The following LRP6 variants were observed in gnomAD, a reference collection of about 807,000 sequenced individuals.
LRP6 encodes low-density lipoprotein receptor-related protein 6.
LRP6 carries 43 observed loss-of-function variants against 184.1 expected under a neutral mutation model. The observed-to-expected ratio is 0.23, with a 90% CI of 0.18 to 0.30. The LOEUF (loss-of-function observed/expected upper bound fraction) is 0.30. Ranked by LOEUF, LRP6 falls within the 10% of genes least tolerant of loss-of-function variation. LRP6 has a pLI of 1.00. For missense variants in LRP6, 1,571 were observed against 2,005.3 expected, an observed-to-expected ratio of 0.78 and a Z score of 4.14; for synonymous variants, 719 against 684.9, an observed-to-expected ratio of 1.05 and a Z score of -0.78.
intron 2 of LRP6, among the ~76,000 whole-genome samples, chr12:12,221,266 G>GTAC (rs1441935259): frequency 6.6e-6 from 1 of 152,180 alleles, no homozygotes; most frequent in Non-Finnish European, 1.5e-5. Context: ...AAACAATGAA[G>GTAC]TGTAAGAGAA....
chr12:12,123,534 G>C (rs776000849), intron 22 of LRP6, among the ~76,000 whole-genome samples: 1 of 152,178 alleles, frequency 6.6e-6, no homozygotes, highest in African/African-American at 2.4e-5. Context: ...ATCTAGAGAG[G>C]ATAGAAGATA....
At chr12:12,138,965 C>T (rs749505533) in intron 15 of LRP6, 1 of 1,361,126 alleles carries the variant, frequency 7.3e-7, no homozygotes, top group Non-Finnish European at 9.8e-7. Flanking sequence ...GAAAAAATGA[C>T]TGACTCACCC....
chr12:12,164,485 A>T lies in LRP6; in HGVS notation c.1840T>A (p.Cys614Ser), dbSNP rs1862820872. Residue 614 changes from cysteine (C) to serine (S), a missense_variant, in exon 9 of 23, where the codon TGC becomes AGC. Transcript: ENST00000261349. ...LYRPQGLRCA[C>S]PIGFELISDM... ...CTGATGAGTTCAAAGCCAATAGGGC[A>T]AGCACAGCGAAGGCCCTGAGGTCTA... 6.2e-7 allele frequency: 1 copy of T among 1,614,182 alleles called. No homozygotes were observed.
At chr12:12,200,833 G>A (rs888761731) in intron 3 of LRP6, among the ~76,000 whole-genome samples, 16 of 152,088 alleles carry the variant, frequency 1.1e-4, no homozygotes, top group African/African-American at 3.6e-4. Context: ...CTGCTTCCAC[G>A]TCATTTATAA....
intron 1 of LRP6, among the ~76,000 whole-genome samples, chr12:12,258,018 A>G (rs1250397564): frequency 6.6e-6 from 1 of 151,958 alleles, no homozygotes; most frequent in Non-Finnish European, 1.5e-5. Flanking sequence ...ATATCCTAAA[A>G]CCAGAAAACA....
intron 2 of LRP6, among the ~76,000 whole-genome samples, chr12:12,235,636 AG>A (rs1378233049): frequency 6.6e-6 from 1 of 152,052 alleles, no homozygotes; most frequent in Admixed American, 6.6e-5. Flanking sequence ...AGGCTGAAGC[AG>A]GAGAATCACT....
chr12:12,224,934 G>A (rs1253519945), intron 2 of LRP6, among the ~76,000 whole-genome samples: 1 of 152,216 alleles, frequency 6.6e-6, no homozygotes, highest in Non-Finnish European at 1.5e-5. Flanking sequence ...GCCAGGGGCG[G>A]TGGCTCACAC....
intron 19 of LRP6, 26 bp from the exon 20 acceptor site, chr12:12,126,947 A>C: frequency 6.4e-7 from 1 of 1,570,126 alleles, no homozygotes; most frequent in Non-Finnish European, 8.8e-7. Context: ...CAGTATGGTT[A>C]TTTAATAGAA....
Position 12,258,444 on chromosome 12 carries a change from T to C in LRP6, c.55+8237A>G, listed in dbSNP as rs74956643. ...TCGTTACAAATTTATAATTTAACTA[T>C]AGCTAATGAACGATTGAGTCAAAAC... On this transcript the variant is annotated intron_variant, in intron 1 of 22. Transcript: ENST00000261349. Among the ~76,000 whole-genome samples, 999 of 152,356 alleles carry C rather than the reference T, an allele frequency of 6.6e-3. 8 individuals are homozygous for C. The highest frequency in any genetic ancestry group is 0.023 in the African/African-American group (951 of 41,592).
At chr12:12,135,899 G>C (rs1380110434) in intron 16 of LRP6, among the ~76,000 whole-genome samples, 1 of 152,060 alleles carries the variant, frequency 6.6e-6, no homozygotes, top group African/African-American at 2.4e-5. Flanking sequence ...AATTGCTAGG[G>C]AGAGGCCGGG....
At position 12,179,805 on chromosome 12, in the gene LRP6, C is replaced by T; in HGVS notation, c.1545+5G>A. On this transcript the variant is annotated splice_donor_5th_base_variant and intron_variant, in intron 7 of 22. Transcript: ENST00000261349. ...GGCTTGAAAATGAAAAAGCAAAAAACAAACCTCAATCTTGTCTGTTTTGGC... is the reference window on the plus strand; with the variant it reads ...GGCTTGAAAATGAAAAAGCAAAAAATAAACCTCAATCTTGTCTGTTTTGGC... The T allele has an allele frequency of 6.2e-7, 1 of 1,612,374 alleles. No individual in the cohort carries two copies. Among genetic ancestry groups the T allele is most frequent in the Non-Finnish European group, 8.5e-7 (1 of 1,179,496 alleles).
At chr12:12,130,428 C>T (rs543958659) in intron 19 of LRP6, among the ~76,000 whole-genome samples, 21 of 151,904 alleles carry the variant, frequency 1.4e-4, no homozygotes, top group Admixed American at 3.3e-4. Context: ...TCAAGTGATC[C>T]GCCCACCTTG....
chr12:12,220,124 C>T (rs1864449911), intron 2 of LRP6, among the ~76,000 whole-genome samples: 5 of 151,972 alleles, frequency 3.3e-5, no homozygotes, highest in Admixed American at 3.3e-4. Flanking sequence ...CCTGTCTCTA[C>T]TAAAAATGCA....
At chr12:12,149,177 G>T in intron 13 of LRP6, 24 bp from the exon 14 acceptor site, 2 of 1,598,140 alleles carry the variant, frequency 1.3e-6, no homozygotes, top group Non-Finnish European at 1.7e-6. Flanking sequence ...GAAATACAGA[G>T]AAAATTAAAC....
intron 2 of LRP6, among the ~76,000 whole-genome samples, chr12:12,235,385 A>C (rs1278711132): frequency 6.6e-6 from 1 of 152,216 alleles, no homozygotes; most frequent in Non-Finnish European, 1.5e-5. Flanking sequence ...GTCTACATAC[A>C]TCATATATTT....
intron 3 of LRP6, among the ~76,000 whole-genome samples, chr12:12,187,921 A>G (rs1261940682): frequency 6.6e-6 from 1 of 152,068 alleles, no homozygotes; most frequent in African/African-American, 2.4e-5. Context: ...AGAATAAGCA[A>G]ATGCTGAGGG....
At chr12:12,149,622 G>A (rs150241811) in intron 13 of LRP6, among the ~76,000 whole-genome samples, 119 of 152,294 alleles carry the variant, frequency 7.8e-4, no homozygotes, top group African/African-American at 2.6e-3. Context: ...GCAGAGACCA[G>A]GGATGCTGTT....
At chr12:12,155,475 T>C (rs1950139572) in intron 12 of LRP6, 4 of 913,164 alleles carry the variant, frequency 4.4e-6, no homozygotes, top group South Asian at 2.6e-5. Context: ...CAGCATGCTG[T>C]TGGCATTGTT....
rs182900779 is a variant in LRP6 at position 12,132,399 on chromosome 12, A to T, written c.3734-342T>A. On this transcript the variant is annotated intron_variant, in intron 17 of 22. Transcript: ENST00000261349. ...CCAAAGACTTTAAAGTTAGCCTAGC[A>T]CTCAAAAGTTTTCTAGCTCTAAGCT... 4.9e-3 allele frequency among the ~76,000 whole-genome samples: 746 copies of T among 152,302 alleles called. 9 individuals carry two copies. Among genetic ancestry groups the T allele is most frequent in the Non-Finnish European group, 7.9e-3 (538 of 68,014 alleles).
Sources: allele counts gnomAD v4.1 joint callset (sites outside exome capture counted in the v4.1 genomes callset), GRCh38; gene constraint gnomAD v4.1.1; transcripts MANE v1.5; gene names NCBI Gene and HGNC (gene_info 2026-07-23, HGNC 2026-07-21).